Variants in LDLRAP1 observed in about 807,000 individuals in gnomAD.
LDLRAP1 encodes low density lipoprotein receptor adaptor protein 1.
A neutral mutation model predicts 37.8 loss-of-function variants in LDLRAP1; 30 were observed. The observed-to-expected ratio is 0.79, with a 90% CI of 0.59 to 1.08. The LOEUF is 1.08. Among genes scored for constraint, LDLRAP1 ranks in the 50% least tolerant of loss-of-function variants. The pLI, the probability that LDLRAP1 is intolerant of heterozygous loss-of-function variation, is 0.00. For missense variants in LDLRAP1, 375 were observed against 401.6 expected (o/e 0.93, Z 0.57); for synonymous variants, 156 against 169.8 (o/e 0.92, Z 0.63).
chr1:25,566,768 C>T, intron 8 of LDLRAP1, 80 bp from the exon 9 acceptor site: 1 of 1,533,866 alleles, frequency 6.5e-7, no homozygotes, highest in Non-Finnish European at 8.8e-7. Flanking sequence ...TGCTGTTCCC[C>T]ACTGGTGCCC....
At chr1:25,548,649 G>T (rs1259406877) in intron 1 of LDLRAP1, among the ~76,000 whole-genome samples, 1 of 151,834 alleles carries the variant, frequency 6.6e-6, no homozygotes, top group Non-Finnish European at 1.5e-5. Flanking sequence ...ACGCCTGGCT[G>T]AGGTGGATAC....
chr1:25,543,764 G>T lies in LDLRAP1; in HGVS notation c.66G>T (p.Trp22Cys), dbSNP rs532723373. 6.6e-6 allele frequency: 8 copies of T among 1,209,832 alleles called. No individual in the cohort carries two copies. Among genetic ancestry groups the T allele is most frequent in the East Asian group, 3.4e-5 (1 of 29,734 alleles). 74.9% of individuals were successfully genotyped at this position (1,209,832 alleles called of 1,614,324 possible). Residue 22 changes from tryptophan (W) to cysteine (C), a missense_variant, in exon 1 of 9, where the codon TGG (tryptophan) becomes TGT (cysteine). Coordinates refer to ENST00000374338, the MANE Select transcript of LDLRAP1 (RefSeq NM_015627.3). ...GCCCCAGCTTGGCCAAGCAGAGCTGGGGGGGCGGTGGCCGGCACCGCAGTG... is the reference window on the plus strand; with the variant it reads ...GCCCCAGCTTGGCCAAGCAGAGCTGTGGGGGCGGTGGCCGGCACCGCAGTG... Reference protein sequence around the residue: ...IRSPSLAKQSWGGGGRHRKLP... With the variant: ...IRSPSLAKQSCGGGGRHRKLP...
the LDLRAP1 span, among the ~76,000 whole-genome samples, chr1:25,582,485 T>C: frequency 2.0e-5 from 3 of 151,270 alleles, no homozygotes; most frequent in Non-Finnish European, 4.4e-5. Flanking sequence ...CTCAGGAGGC[T>C]GAGGCAGGAG....
chr1:25,582,395 G>A, the LDLRAP1 span, among the ~76,000 whole-genome samples: 17 of 152,050 alleles, frequency 1.1e-4, no homozygotes, highest in South Asian at 2.1e-3. Flanking sequence ...GACCATCCTG[G>A]CGAACACGGT....
intron 8 of LDLRAP1, among the ~76,000 whole-genome samples, chr1:25,566,498 C>A (rs1489618396): frequency 6.6e-6 from 1 of 152,130 alleles, no homozygotes; most frequent in East Asian, 1.9e-4. Context: ...GCCAAAGAAT[C>A]TTCCGTGTTC....
chr1:25,580,319 T>C, the LDLRAP1 span, among the ~76,000 whole-genome samples: 1 of 152,044 alleles, frequency 6.6e-6, no homozygotes, highest in African/African-American at 2.4e-5. Flanking sequence ...ATCCCAGCAC[T>C]CTGGGAGGCT....
At position 25,562,648 on chromosome 1, in the gene LDLRAP1, AG is replaced by A. The variant is rs1430518299; in HGVS notation, c.466del (p.Ala156LeufsTer6). The A allele has an allele frequency of 6.2e-7, 1 of 1,614,130 alleles. No homozygotes were observed. The highest frequency in any genetic ancestry group is 2.2e-5 in the East Asian group (1 of 44,886). On this transcript the variant is annotated frameshift_variant, in exon 5 of 9. Transcript: ENST00000374338. LOFTEE classifies it high-confidence loss of function. ...ATCCCCACTTCCTGTTTTCAGGCACAGGCTGTTACCCTCACCGTAGCCCAGG... is the reference window on the plus strand; with the variant it reads ...ATCCCCACTTCCTGTTTTCAGGCACAGCTGTTACCCTCACCGTAGCCCAGG... ...AFLCTKRKMA[Q>X]AVTLTVAQAF...
chr1:25,588,891 G>T, the LDLRAP1 span, among the ~76,000 whole-genome samples: 188 of 152,250 alleles, frequency 1.2e-3, 1 homozygote, highest in African/African-American at 3.9e-3. Context: ...GTCATGGAGC[G>T]CCTTGAGAGT....
At chr1:25,549,669 C>T (rs2044023952) in intron 1 of LDLRAP1, among the ~76,000 whole-genome samples, 1 of 152,192 alleles carries the variant, frequency 6.6e-6, no homozygotes, top group South Asian at 2.1e-4. Context: ...CCTGTATTTG[C>T]CCAGGGGCCT....
the LDLRAP1 span, among the ~76,000 whole-genome samples, chr1:25,575,140 C>T: frequency 6.6e-6 from 1 of 152,210 alleles, no homozygotes; most frequent in Non-Finnish European, 1.5e-5. Flanking sequence ...GACCAGGGCT[C>T]TCACTACCCG....
chr1:25,589,605 G>A, the LDLRAP1 span, among the ~76,000 whole-genome samples: 1 of 152,154 alleles, frequency 6.6e-6, no homozygotes, highest in African/African-American at 2.4e-5. Flanking sequence ...ATAAAATGCT[G>A]GAGGAGGGGT....
chr1:25,570,599 C>T (rs368391112), downstream of LDLRAP1, among the ~76,000 whole-genome samples: 1 of 152,176 alleles, frequency 6.6e-6, no homozygotes, highest in South Asian at 2.1e-4. Context: ...GTGGCTCACA[C>T]CTGTAATCCC....
rs1299770049 is a variant in LDLRAP1 at position 25,566,955 on chromosome 1, G to A, written c.890G>A (p.Ser297Asn). The A allele has an allele frequency of 6.2e-7, 1 of 1,613,566 alleles. No individual in the cohort carries two copies. The highest frequency in any genetic ancestry group is 1.7e-5 in the Admixed American group (1 of 60,030). The change falls in exon 9 of 9, where the codon AGC (serine) becomes AAC (asparagine). Residue 297 changes from serine to asparagine, a missense_variant. Ser to Asn is a conservative substitution (Grantham distance 46, BLOSUM62 1). Coordinates refer to ENST00000374338, the MANE Select transcript of LDLRAP1 (RefSeq NM_015627.3). ...CCTGTCGACTGGGACAAGCCTGACA[G>A]CAGCGGCACAGAGCAGGATGACCTC... ...LSPVDWDKPD[S>N]SGTEQDDLFS...
chr1:25,576,107 C>T, the LDLRAP1 span, among the ~76,000 whole-genome samples: 1 of 151,990 alleles, frequency 6.6e-6, no homozygotes, highest in East Asian at 1.9e-4. Context: ...TGGCATGTGC[C>T]TGTAATCCCA....
downstream of LDLRAP1, among the ~76,000 whole-genome samples, chr1:25,572,409 G>A (rs146820005): frequency 2.2e-4 from 34 of 152,278 alleles, 1 homozygote; most frequent in East Asian, 6.2e-3. Context: ...CTGGGTCTCC[G>A]TCACACACAG....
At position 25,567,076 on chromosome 1, in the gene LDLRAP1, C is replaced by T. The variant is rs558473490; in HGVS notation, c.*84C>T. 25 of 1,511,964 alleles carry T rather than the reference C, an allele frequency of 1.7e-5. No homozygotes were observed. The highest frequency in any genetic ancestry group is 5.5e-5 in the African/African-American group (4 of 73,076). The allele number at this position is 1,511,964 out of a possible 1,614,324, so 93.7% of individuals were successfully genotyped here. On this transcript the variant is annotated 3_prime_UTR_variant, in exon 9 of 9. Transcript: ENST00000374338. ...CTGCGGGGGAGCCAGTTCTGGGGCCCGCCTGCCACCTCTCCCAGCCCTCAG... is the reference window on the plus strand; with the variant it reads ...CTGCGGGGGAGCCAGTTCTGGGGCCTGCCTGCCACCTCTCCCAGCCCTCAG...
chr1:25,582,420 A>G, the LDLRAP1 span, among the ~76,000 whole-genome samples: 3 of 151,942 alleles, frequency 2.0e-5, no homozygotes, highest in African/African-American at 7.3e-5. Flanking sequence ...CCCCGTCTCT[A>G]CTAAAAATAC....
chr1:25,547,828 G>A (rs1010078930), intron 1 of LDLRAP1, among the ~76,000 whole-genome samples: 7 of 152,218 alleles, frequency 4.6e-5, no homozygotes, highest in Non-Finnish European at 7.3e-5. Context: ...GGTACACACC[G>A]GTGAATCCCA....
the LDLRAP1 span, among the ~76,000 whole-genome samples, chr1:25,581,080 C>T: frequency 6.6e-6 from 1 of 152,120 alleles, no homozygotes; most frequent in African/African-American, 2.4e-5. Context: ...CATTGGCCTG[C>T]TTGGGGGCCG....
Sources: allele counts gnomAD v4.1 joint callset (sites outside exome capture counted in the v4.1 genomes callset), GRCh38; gene constraint gnomAD v4.1.1; transcripts MANE v1.5; gene names NCBI Gene and HGNC (gene_info 2026-07-23, HGNC 2026-07-21).